ARID4B: variants seen among roughly 807,000 people sequenced by gnomAD.
ARID4B encodes the protein AT-rich interaction domain 4B.
ARID4B carries 26 observed loss-of-function variants against 147.5 expected under a neutral mutation model. The observed-to-expected ratio is 0.18, with a 90% confidence interval of 0.13 to 0.24. ARID4B has a LOEUF of 0.24. ARID4B is among the 10% of genes least tolerant of loss of function. The pLI is 1.00. For missense variants in ARID4B, 1,179 were observed against 1,511.5 expected (o/e 0.78, Z 3.65); for synonymous variants, 512 against 507.9 (o/e 1.01, Z -0.11).
chr1:235,267,179 G>A (rs1670659114), intron 2 of ARID4B, among the ~76,000 whole-genome samples: 1 of 152,230 alleles, frequency 6.6e-6, no homozygotes, highest in Non-Finnish European at 1.5e-5. Context: ...TAAGGAGGCT[G>A]AGGCGGGAGG....
At chr1:235,226,915 A>G (rs1667871003) in intron 11 of ARID4B, among the ~76,000 whole-genome samples, 1 of 151,958 alleles carries the variant, frequency 6.6e-6, no homozygotes, top group African/African-American at 2.4e-5. Context: ...GTGATCCGCT[A>G]GCGTCAGCTT....
intron 23 of ARID4B, among the ~76,000 whole-genome samples, chr1:235,171,681 C>G (rs1225711983): frequency 6.6e-6 from 1 of 151,708 alleles, no homozygotes; most frequent in Non-Finnish European, 1.5e-5. Context: ...CTCTTGTTGC[C>G]CAGGCTGGAG....
chr1:235,323,506 C>T (rs1674993819), intron 2 of ARID4B, among the ~76,000 whole-genome samples: 1 of 151,974 alleles, frequency 6.6e-6, no homozygotes, highest in African/African-American at 2.4e-5. Context: ...AAAAATCGGC[C>T]GGGCGCAGTG....
At chr1:235,229,422 T>C (rs2103044971) in intron 10 of ARID4B, 37 bp from the exon 11 acceptor site, 2 of 1,393,754 alleles carry the variant, frequency 1.4e-6, no homozygotes, top group South Asian at 2.5e-5. Flanking sequence ...ACTGAAGAAA[T>C]TAAGACAATT....
intron 17 of ARID4B, among the ~76,000 whole-genome samples, chr1:235,207,848 G>A (rs188480772): frequency 0.017 from 2,659 of 152,138 alleles, 90 homozygotes; most frequent in African/African-American, 0.061. Flanking sequence ...AATTTGTTTG[G>A]CGAAAATATT....
intron 2 of ARID4B, among the ~76,000 whole-genome samples, chr1:235,310,542 A>C (rs1673975846): frequency 6.6e-6 from 1 of 152,246 alleles, no homozygotes; most frequent in Non-Finnish European, 1.5e-5. Context: ...ACTAATGATT[A>C]TGGAACTTTA....
At chr1:235,323,945 G>A (rs1367949217) in intron 2 of ARID4B, among the ~76,000 whole-genome samples, 2 of 143,126 alleles carry the variant, frequency 1.4e-5, no homozygotes, top group Non-Finnish European at 3.0e-5. Context: ...CACTTTTTTC[G>A]CCGAGGCTGG....
chr1:235,204,074 A>C (rs1666136760), intron 17 of ARID4B, among the ~76,000 whole-genome samples: 1 of 152,208 alleles, frequency 6.6e-6, no homozygotes, highest in Admixed American at 6.5e-5. Context: ...CTGTAAGACT[A>C]ACATTTTGGG....
intron 2 of ARID4B, among the ~76,000 whole-genome samples, chr1:235,302,077 A>T (rs1572193575): frequency 7.9e-6 from 1 of 127,248 alleles, no homozygotes; most frequent in South Asian, 2.7e-4. Context: ...CAAGTGATCC[A>T]CCCACCTCGG....
intron 21 of ARID4B, among the ~76,000 whole-genome samples, chr1:235,175,861 T>C (rs1663832916): frequency 6.6e-6 from 1 of 152,150 alleles, no homozygotes; most frequent in Non-Finnish European, 1.5e-5. Context: ...GGGAATAAAC[T>C]CTGAAGTTTG....
chr1:235,216,623 A>G (rs945001297), intron 16 of ARID4B, among the ~76,000 whole-genome samples: 8 of 152,136 alleles, frequency 5.3e-5, no homozygotes, highest in Non-Finnish European at 1.0e-4. Context: ...GATTACAGGC[A>G]TGAGCCACCG....
intron 15 of ARID4B, 143 bp from the exon 16 acceptor site, chr1:235,220,111 A>G: frequency 1.2e-6 from 1 of 801,028 alleles, no homozygotes; most frequent in Non-Finnish European, 1.8e-6. Flanking sequence ...CTGCTACTTT[A>G]AAGCTCTAGA....
At chr1:235,188,324 G>A (rs909973617) in intron 19 of ARID4B, among the ~76,000 whole-genome samples, 5 of 152,116 alleles carry the variant, frequency 3.3e-5, no homozygotes, top group South Asian at 2.1e-4. Flanking sequence ...CAGCAGTGAG[G>A]AAAGCCAAAA....
chr1:235,239,911 G>A (rs1668876208), intron 8 of ARID4B, among the ~76,000 whole-genome samples: 1 of 152,106 alleles, frequency 6.6e-6, no homozygotes, highest in Non-Finnish European at 1.5e-5. Context: ...GTACCTAAAA[G>A]GCAAGATTAA....
intron 8 of ARID4B, among the ~76,000 whole-genome samples, chr1:235,237,415 G>A (rs987904068): frequency 2.6e-5 from 4 of 152,054 alleles, no homozygotes; most frequent in Non-Finnish European, 5.9e-5. Context: ...GGATACACAG[G>A]AAGGTACAAA....
chr1:235,236,862 A>ATATATATATATTTTTT (rs1426582533), intron 8 of ARID4B, among the ~76,000 whole-genome samples: 1 of 17,490 alleles, frequency 5.7e-5, no homozygotes, highest in African/African-American at 2.2e-4. Context: ...ATATATATAT[A>ATATATATATATTTTTT]TTTTTTTTTT....
chr1:235,285,424 T>C (rs558496035), intron 2 of ARID4B, among the ~76,000 whole-genome samples: 111 of 152,330 alleles, frequency 7.3e-4, no homozygotes, highest in African/African-American at 2.6e-3. Flanking sequence ...CCACTCCTGA[T>C]GTAATCTCTC....
intron 14 of ARID4B, 45 bp from the exon 15 acceptor site, chr1:235,220,590 ATATAAC>A: frequency 7.0e-7 from 1 of 1,430,468 alleles, no homozygotes; most frequent in African/African-American, 1.4e-5. Context: ...ACATTTCAAA[ATATAAC>A]TATAGAGTTA....
chr1:235,277,585 T>C (rs1455845959), intron 2 of ARID4B, among the ~76,000 whole-genome samples: 2 of 145,210 alleles, frequency 1.4e-5, no homozygotes, highest in Admixed American at 7.0e-5. Context: ...CCATTTTTAA[T>C]GCCTTATATT....
Sources: allele counts gnomAD v4.1 joint callset (sites outside exome capture counted in the v4.1 genomes callset), GRCh38; gene constraint gnomAD v4.1.1; transcripts MANE v1.5; gene names NCBI Gene and HGNC (gene_info 2026-07-23, HGNC 2026-07-21).